ROS1: variants seen among roughly 807,000 people sequenced by gnomAD.
The protein encoded by ROS1 is proto-oncogene tyrosine-protein kinase ROS.
Under a neutral mutation model 273.5 loss-of-function variants are expected in ROS1, and 263 were observed. The ratio of observed to expected loss-of-function variants is 0.96; its 90% CI spans 0.87 to 1.06. ROS1 has a LOEUF of 1.06. ROS1 is among the 50% of genes least tolerant of loss of function. ROS1 has a pLI of 0.00. For missense variants in ROS1, 2,833 were observed against 2,751.1 expected (o/e 1.03, Z -0.67); for synonymous variants, 1,008 against 954.1 (o/e 1.06, Z -1.04).
intron 12 of ROS1, among the ~76,000 whole-genome samples, chr6:117,391,331 A>G (rs961552416): frequency 5.9e-5 from 9 of 152,318 alleles, no homozygotes; most frequent in Admixed American, 2.6e-4. Flanking sequence ...ATAAAAGGAA[A>G]ACTATCTGTG....
rs554384646 is a variant in ROS1, at chr6:117,352,948, T to TA, written c.4303+41dup. 202 of 1,583,896 alleles carry TA rather than the reference T, an allele frequency of 1.3e-4. 3 individuals carry two copies. The South Asian group carries it at 2.1e-3, about 17-fold the overall frequency. On this transcript the variant is annotated intron_variant, in intron 27 of 43. Coordinates refer to ENST00000368507, the MANE Select transcript of ROS1 (RefSeq NM_001378902.1). ...AGATGTTATGAGATTTTTCTGACCC[T>TA]AAATTGGGAGAACAAGCTGATTACG...
intron 32 of ROS1, among the ~76,000 whole-genome samples, chr6:117,332,618 A>C (rs1172862417): frequency 1.3e-5 from 2 of 152,226 alleles, no homozygotes; most frequent in Non-Finnish European, 2.9e-5. Flanking sequence ...CAGCAAATGC[A>C]AAAGAGCTGA....
chr6:117,346,737 T>C (rs9400999), intron 27 of ROS1, among the ~76,000 whole-genome samples: 57,893 of 151,970 alleles, frequency 0.38, 11,221 homozygotes, highest in Middle Eastern at 0.46. Context: ...TCAATGAGCC[T>C]ACAATGACAT....
chr6:117,384,662 G>T (rs1772418749), intron 16 of ROS1, among the ~76,000 whole-genome samples: 1 of 152,068 alleles, frequency 6.6e-6, no homozygotes, highest in East Asian at 1.9e-4. Flanking sequence ...CACTCCACAG[G>T]TGTGCTGGAT....
intron 12 of ROS1, among the ~76,000 whole-genome samples, 160 bp from the exon 13 acceptor site, chr6:117,390,006 T>C (rs542678518): frequency 6.6e-6 from 1 of 152,356 alleles, no homozygotes; most frequent in African/African-American, 2.4e-5. Context: ...TTTCCTAAGA[T>C]ATACTCTATT....
At chr6:117,374,790 A>G (rs1218267589) in intron 18 of ROS1, among the ~76,000 whole-genome samples, 2 of 152,146 alleles carry the variant, frequency 1.3e-5, no homozygotes, top group Non-Finnish European at 2.9e-5. Context: ...AAAGCAAACC[A>G]TCTCAAATAA....
intron 42 of ROS1, among the ~76,000 whole-genome samples, chr6:117,302,639 G>A (rs1294301810): frequency 6.6e-6 from 1 of 152,192 alleles, no homozygotes; most frequent in African/African-American, 2.4e-5. Context: ...TGTTTCTGCT[G>A]TAGGCCCACA....
chr6:117,355,019 G>A (rs1250930346), intron 26 of ROS1, among the ~76,000 whole-genome samples: 6 of 152,136 alleles, frequency 3.9e-5, no homozygotes, highest in South Asian at 2.1e-4. Flanking sequence ...GCCTAAACAG[G>A]ATTCTTACTT....
At chr6:117,375,046 G>T (rs1413512972) in intron 18 of ROS1, among the ~76,000 whole-genome samples, 8 of 152,134 alleles carry the variant, frequency 5.3e-5, no homozygotes, top group African/African-American at 1.9e-4. Context: ...TATGGAACCA[G>T]TCCAAATGCC....
At chr6:117,387,475 G>T (rs1343960229) in intron 14 of ROS1, among the ~76,000 whole-genome samples, 1 of 152,126 alleles carries the variant, frequency 6.6e-6, no homozygotes, top group Non-Finnish European at 1.5e-5. Flanking sequence ...AAATGCCACT[G>T]CTTAATATAC....
chr6:117,366,313 A>G, intron 18 of ROS1, 23 bp from the exon 19 acceptor site: 1 of 1,580,506 alleles, frequency 6.3e-7, no homozygotes, highest in African/African-American at 1.3e-5. Flanking sequence ...AACACCAATT[A>G]GTGTGTGTTT....
intron 18 of ROS1, among the ~76,000 whole-genome samples, chr6:117,368,572 C>T (rs1026391190): frequency 1.7e-4 from 26 of 152,054 alleles, no homozygotes; most frequent in African/African-American, 5.1e-4. Context: ...CATGTGACTA[C>T]GGAGCCCTTG....
chr6:117,343,959 T>C, intron 28 of ROS1, 101 bp downstream of exon 28: 2 of 967,996 alleles, frequency 2.1e-6, no homozygotes, highest in East Asian at 2.6e-5. Flanking sequence ...TGCGTACTAG[T>C]CCATTTCAGA....
intron 22 of ROS1, among the ~76,000 whole-genome samples, chr6:117,360,770 C>G (rs1162160085): frequency 6.6e-6 from 1 of 151,962 alleles, no homozygotes; most frequent in African/African-American, 2.4e-5. Flanking sequence ...TCATGTTGTA[C>G]AGCTTGAATA....
chr6:117,300,673 T>G lies in ROS1; in HGVS notation c.6715+301A>C, dbSNP rs1042325903. Among the ~76,000 whole-genome samples the G allele has an allele frequency of 1.2e-4, 18 of 152,064 alleles. 1 individual carries two copies. The Middle Eastern group carries it at 9.5e-3, about 80-fold the overall frequency. On this transcript the variant is annotated intron_variant, in intron 43 of 43. Coordinates refer to ENST00000368507, the MANE Select transcript of ROS1 (RefSeq NM_001378902.1). ...TGTACTTGAGGTCCAAACTGGTGTG[T>G]GGGGGGAGAAGAGAAGGAGAACAGA...
At position 117,389,516 on chromosome 6, in the gene ROS1, T is replaced by C; in HGVS notation, c.1620A>G (p.Gly540=). The C allele has an allele frequency of 6.2e-7, 1 of 1,614,168 alleles. No homozygotes were observed. The highest frequency in any genetic ancestry group is 1.1e-5 in the South Asian group (1 of 91,086). ...ATTCTTCTATGTGACTCAGGTCACATCCCACGATGAATTCATTAAAAGACA... is the reference window on the plus strand; with the variant it reads ...ATTCTTCTATGTGACTCAGGTCACACCCCACGATGAATTCATTAAAAGACA... ...DALSFNEFIV[G]CDLSHIEEFG... The change falls in exon 13 of 44, where the codon GGA becomes GGG. Residue 540 remains glycine, a synonymous_variant. Coordinates refer to ENST00000368507, the MANE Select transcript of ROS1 (RefSeq NM_001378902.1).
At chr6:117,370,066 AATCT>A (rs1174413632) in intron 18 of ROS1, among the ~76,000 whole-genome samples, 1 of 152,164 alleles carries the variant, frequency 6.6e-6, no homozygotes, top group Non-Finnish European at 1.5e-5. Context: ...TATGTGTATA[AATCT>A]ATATCTATAG....
At chr6:117,422,697 T>G (rs1355466139) in intron 1 of ROS1, among the ~76,000 whole-genome samples, 1 of 152,138 alleles carries the variant, frequency 6.6e-6, no homozygotes, top group Non-Finnish European at 1.5e-5. Flanking sequence ...TCTTTGGAAC[T>G]TAAGATACAA....
At chr6:117,401,816 A>C (rs1418318954) in intron 7 of ROS1, among the ~76,000 whole-genome samples, 3 of 151,374 alleles carry the variant, frequency 2.0e-5, no homozygotes, top group Non-Finnish European at 2.9e-5. Context: ...AAAAAAAAAA[A>C]AAAAAAAACA....
Sources: allele counts gnomAD v4.1 joint callset (sites outside exome capture counted in the v4.1 genomes callset), GRCh38; gene constraint gnomAD v4.1.1; transcripts MANE v1.5; gene names NCBI Gene and HGNC (gene_info 2026-07-23, HGNC 2026-07-21).